CEP85L: variants seen among roughly 807,000 people sequenced by gnomAD.
The protein encoded by CEP85L is centrosomal protein 85L, also known as centrosomal protein of 85 kDa-like.
In CEP85L, 60 loss-of-function variants were observed where a neutral mutation model predicts 100.3. The ratio of observed to expected loss-of-function variants is 0.60; its 90% CI spans 0.49 to 0.74. The LOEUF (loss-of-function observed/expected upper bound fraction) is 0.74. CEP85L is among the 30% of genes least tolerant of loss of function. The pLI, the probability that CEP85L is intolerant of heterozygous loss-of-function variation, is 0.00. For missense variants in CEP85L, 973 were observed against 936.2 expected (o/e 1.04, Z -0.51); for synonymous variants, 319 against 322.7 (o/e 0.99, Z 0.12).
intron 3 of CEP85L, among the ~76,000 whole-genome samples, chr6:118,549,951 A>G (rs889876719): frequency 6.6e-6 from 1 of 151,916 alleles, no homozygotes; most frequent in East Asian, 1.9e-4. Context: ...TGGTAGTACC[A>G]TACATTGTGT....
chr6:118,687,391 A>T (rs1482493774), intron 1 of CEP85L, among the ~76,000 whole-genome samples: 3 of 152,294 alleles, frequency 2.0e-5, no homozygotes, highest in African/African-American at 7.2e-5. Flanking sequence ...GAGAGACAGG[A>T]CTAGCTGGAT....
At chr6:118,603,942 T>C (rs572593062) in intron 2 of CEP85L, among the ~76,000 whole-genome samples, 11 of 152,376 alleles carry the variant, frequency 7.2e-5, no homozygotes, top group African/African-American at 2.4e-4. Flanking sequence ...TTGGTTGATT[T>C]TGTGGTACAC....
intron 1 of CEP85L, among the ~76,000 whole-genome samples, chr6:118,699,746 G>A (rs1777349906): frequency 6.6e-6 from 1 of 152,094 alleles, no homozygotes; most frequent in Non-Finnish European, 1.5e-5. Flanking sequence ...GGCTGGAGGA[G>A]TGCAATGGCA....
intron 10 of CEP85L, among the ~76,000 whole-genome samples, chr6:118,472,343 CAT>C (rs1773024550): frequency 6.6e-6 from 1 of 152,054 alleles, no homozygotes; most frequent in Non-Finnish European, 1.5e-5. Flanking sequence ...TCAGATTTCT[CAT>C]ATGTTGCTTG....
At chr6:118,519,240 G>A (rs1001075562) in intron 4 of CEP85L, among the ~76,000 whole-genome samples, 2 of 151,972 alleles carry the variant, frequency 1.3e-5, no homozygotes, top group Non-Finnish European at 2.9e-5. Context: ...CAGATCACGA[G>A]GTCAGAAGTT....
intron 5 of CEP85L, among the ~76,000 whole-genome samples, chr6:118,501,122 G>T (rs892364418): frequency 2.0e-5 from 3 of 152,138 alleles, no homozygotes; most frequent in African/African-American, 7.2e-5. Flanking sequence ...CAAACTGCCC[G>T]TGGAGAGCTC....
intron 1 of CEP85L, among the ~76,000 whole-genome samples, chr6:118,638,977 T>C (rs1219089351): frequency 6.6e-6 from 1 of 152,062 alleles, no homozygotes; most frequent in Non-Finnish European, 1.5e-5. Context: ...CAGCTCTAAA[T>C]TGAAGAAAAT....
chr6:118,533,070 G>A (rs1547326), intron 3 of CEP85L, among the ~76,000 whole-genome samples: 102,230 of 151,846 alleles, frequency 0.67, 35,105 homozygotes, highest in Middle Eastern at 0.74. Flanking sequence ...CTCAACCTAA[G>A]CTTCCATCTT....
At chr6:118,607,427 T>G (rs916734486) in intron 2 of CEP85L, among the ~76,000 whole-genome samples, 2 of 152,148 alleles carry the variant, frequency 1.3e-5, no homozygotes, top group Non-Finnish European at 2.9e-5. Flanking sequence ...CCAGCCAGTC[T>G]CATCAGCTCT....
At chr6:118,679,248 T>A (rs1776572117) in intron 1 of CEP85L, among the ~76,000 whole-genome samples, 1 of 152,230 alleles carries the variant, frequency 6.6e-6, no homozygotes, top group Admixed American at 6.5e-5. Context: ...TTTCAGGAGA[T>A]ATGAGACCTT....
chr6:118,632,688 A>G (rs959883237), intron 1 of CEP85L, 77 bp from the exon 2 acceptor site: 1 of 1,189,864 alleles, frequency 8.4e-7, no homozygotes, highest in Non-Finnish European at 1.2e-6. Context: ...TGTGGAAAAT[A>G]CACATAGGGT....
intron 10 of CEP85L, among the ~76,000 whole-genome samples, chr6:118,476,373 T>C (rs184376704): frequency 6.6e-6 from 1 of 152,290 alleles, no homozygotes; most frequent in African/African-American, 2.4e-5. Context: ...AGAATACTTT[T>C]AGTTTTTCAC....
chr6:118,646,706 C>T (rs901911526), intron 1 of CEP85L, among the ~76,000 whole-genome samples: 3 of 152,114 alleles, frequency 2.0e-5, no homozygotes, highest in African/African-American at 4.8e-5. Context: ...CTGATGATCA[C>T]GTTCTTCACT....
intron 3 of CEP85L, among the ~76,000 whole-genome samples, chr6:118,545,377 C>T (rs182697283): frequency 1.3e-5 from 2 of 152,136 alleles, no homozygotes; most frequent in African/African-American, 4.8e-5. Context: ...ATCACGAGGT[C>T]AGGAGTTTGA....
intron 1 of CEP85L, among the ~76,000 whole-genome samples, chr6:118,697,863 G>A (rs1777266106): frequency 6.6e-6 from 1 of 152,014 alleles, no homozygotes; most frequent in Non-Finnish European, 1.5e-5. Context: ...TTTCTATCTG[G>A]GCCCAGTATT....
chr6:118,619,286 A>G (rs1291944448), intron 2 of CEP85L, among the ~76,000 whole-genome samples: 1 of 152,218 alleles, frequency 6.6e-6, no homozygotes, highest in African/African-American at 2.4e-5. Flanking sequence ...GCCTGGCCAC[A>G]GTACTCCTTA....
At chr6:118,614,688 A>G (rs1164548289) in intron 2 of CEP85L, among the ~76,000 whole-genome samples, 1 of 152,172 alleles carries the variant, frequency 6.6e-6, no homozygotes, top group East Asian at 1.9e-4. Context: ...TATTGAAAAT[A>G]AAAAAATTAG....
intron 3 of CEP85L, among the ~76,000 whole-genome samples, chr6:118,533,022 C>T (rs1417922249): frequency 6.6e-6 from 1 of 151,964 alleles, no homozygotes; most frequent in Non-Finnish European, 1.5e-5. Context: ...AGGAAATTTA[C>T]AGCACTAAGC....
At chr6:118,488,291 A>G (rs1199217641) in intron 6 of CEP85L, among the ~76,000 whole-genome samples, 2 of 152,090 alleles carry the variant, frequency 1.3e-5, no homozygotes, top group East Asian at 1.9e-4. Context: ...AAGATGCTCA[A>G]TGAGGTCAGG....
Sources: allele counts gnomAD v4.1 joint callset (sites outside exome capture counted in the v4.1 genomes callset), GRCh38; gene constraint gnomAD v4.1.1; transcripts MANE v1.5; gene names NCBI Gene and HGNC (gene_info 2026-07-23, HGNC 2026-07-21).